Variants in WDR33 observed in about 807,000 individuals in gnomAD.
WDR33 encodes the protein pre-mRNA 3' end processing protein WDR33.
In WDR33, 47 loss-of-function variants were observed where a neutral mutation model predicts 164.9. The observed-to-expected ratio is 0.29, with a 90% CI of 0.23 to 0.36. The LOEUF is 0.36. WDR33 is among the 10% of genes least tolerant of loss of function. The pLI is 1.00. For synonymous variants in WDR33, 505 were observed against 589.0 expected, an observed-to-expected ratio of 0.86 and a Z score of 2.06; for missense variants, 1,137 against 1,754.1, an observed-to-expected ratio of 0.65 and a Z score of 6.28.
At chr2:127,733,936 T>C (rs1686774143) in intron 7 of WDR33, among the ~76,000 whole-genome samples, 1 of 152,154 alleles carries the variant, frequency 6.6e-6, no homozygotes, top group African/African-American at 2.4e-5. Context: ...AGGGCAGTGG[T>C]GGGAGGGGGC....
intron 1 of WDR33, among the ~76,000 whole-genome samples, chr2:127,803,938 A>G (rs1380906722): frequency 7.2e-6 from 1 of 139,422 alleles, no homozygotes; most frequent in African/African-American, 2.8e-5. Flanking sequence ...ACGAAGTGAG[A>G]CCCAGTCTCA....
intron 7 of WDR33, among the ~76,000 whole-genome samples, chr2:127,753,739 C>A (rs1391792989): frequency 6.6e-6 from 1 of 152,026 alleles, no homozygotes; most frequent in East Asian, 1.9e-4. Context: ...ATGGAGGCAT[C>A]TAGATTCAGG....
chr2:127,765,666 G>A (rs1423657867), intron 4 of WDR33, among the ~76,000 whole-genome samples: 3 of 152,026 alleles, frequency 2.0e-5, no homozygotes, highest in Non-Finnish European at 4.4e-5. Context: ...AGGATATGGT[G>A]CTTACAAGTA....
Position 127,767,713 on chromosome 2 carries a change from T to TA in WDR33, c.378+475dup, listed in dbSNP as rs1276197028. Among the ~76,000 whole-genome samples, 6 of 152,006 alleles carry TA rather than the reference T, an allele frequency of 3.9e-5. No individual in the cohort carries two copies. In the East Asian group the frequency reaches 7.7e-4, roughly 20 times the overall value. ...CTGGGTGACCGAGTGAGACTCTGTCTAAAAAAAATAAAAAAATAAAATAAA... is the reference window on the plus strand; with the variant it reads ...CTGGGTGACCGAGTGAGACTCTGTCTAAAAAAAAATAAAAAAATAAAATAAA... On this transcript the variant is annotated intron_variant, in intron 4 of 21. Coordinates refer to ENST00000322313, the MANE Select transcript of WDR33 (RefSeq NM_018383.5).
Position 127,709,577 on chromosome 2 carries a change from TTCC to T in WDR33, c.3475_3477del (p.Gly1159del). 1.2e-6 allele frequency: 2 copies of T among 1,613,736 alleles called. No homozygotes were observed. Among genetic ancestry groups the T allele is most frequent in the Non-Finnish European group, 1.7e-6 (2 of 1,179,612 alleles). ...TCAGGAGTGGGAAGTAAACCCTTCC[TTCC>T]TCCTACACAACAGAGCAAACAATGC... On this transcript the variant is annotated inframe_deletion and splice_region_variant, in exon 20 of 22. Transcript: ENST00000322313. The surrounding 1 kb of genome is among the most constrained non-coding windows in gnomAD (Gnocchi z 5.0).
chr2:127,774,364 T>TGG (rs1474537340), intron 1 of WDR33, among the ~76,000 whole-genome samples: 83 of 152,140 alleles, frequency 5.5e-4, no homozygotes, highest in Non-Finnish European at 1.0e-3. Flanking sequence ...AAAGCATATT[T>TGG]TAAAATTATG....
Position 127,706,630 on chromosome 2 carries a change from C to A in WDR33, c.3782-78G>T. 1.5e-6 allele frequency: 2 copies of A among 1,348,270 alleles called. No homozygotes were observed. Among genetic ancestry groups the A allele is most frequent in the East Asian group, 2.4e-5 (1 of 41,464 alleles). The allele number at this position is 1,348,270 out of a possible 1,614,324, so 83.5% of individuals were successfully genotyped here. On this transcript the variant is annotated intron_variant, in intron 21 of 21. Transcript: ENST00000322313. This position sits in a 1 kb window ranked among gnomAD's most constrained non-coding sequence, Gnocchi z 5.1. ...AGTAACTCCCAGTACAAACTTTACT[C>A]TCTGATGACAATGGACCAGTTCTGG...
At chr2:127,768,493 C>T (rs1412308748) in intron 3 of WDR33, among the ~76,000 whole-genome samples, 200 bp from the exon 4 acceptor site, 1 of 152,046 alleles carries the variant, frequency 6.6e-6, no homozygotes, top group Non-Finnish European at 1.5e-5. Context: ...GTTAAATACC[C>T]ATTATTACTA....
At chr2:127,734,849 ACT>A (rs1344103975) in intron 7 of WDR33, among the ~76,000 whole-genome samples, 1 of 152,080 alleles carries the variant, frequency 6.6e-6, no homozygotes, top group Non-Finnish European at 1.5e-5. Flanking sequence ...AAAACAGAAA[ACT>A]CTCTCCCCCT....
At chr2:127,803,089 A>G (rs1558965627) in intron 1 of WDR33, among the ~76,000 whole-genome samples, 1 of 152,348 alleles carries the variant, frequency 6.6e-6, no homozygotes, top group East Asian at 1.9e-4. Flanking sequence ...CAAATTCAAC[A>G]AACAAGCTGA....
intron 1 of WDR33, among the ~76,000 whole-genome samples, chr2:127,792,293 C>T (rs761613340): frequency 3.3e-5 from 5 of 152,002 alleles, no homozygotes; most frequent in Non-Finnish European, 7.4e-5. Flanking sequence ...TTTGAGAACT[C>T]ACCACTGCCT....
chr2:127,773,129 C>T (rs928426352), intron 1 of WDR33, among the ~76,000 whole-genome samples: 2 of 152,098 alleles, frequency 1.3e-5, no homozygotes, highest in East Asian at 3.8e-4. Flanking sequence ...GAACAAGACC[C>T]TGTCTCCAAA....
chr2:127,709,915 A>G lies in WDR33; in HGVS notation c.3309-59T>C. The G allele has an allele frequency of 6.4e-7, 1 of 1,571,490 alleles. No individual in the cohort carries two copies. The stretch of plus-strand genomic sequence containing the variant: ...GAGAACACCTTGCCACTCTAAGTTC[A>G]TGTTTCAAAGAAGCATATGATATGA... On this transcript the variant is annotated intron_variant, in intron 18 of 21. Transcript: ENST00000322313. The surrounding 1 kb of genome is among the most constrained non-coding windows in gnomAD (Gnocchi z 5.0).
chr2:127,733,567 T>C (rs535164971), intron 7 of WDR33, among the ~76,000 whole-genome samples: 1 of 152,346 alleles, frequency 6.6e-6, no homozygotes, highest in South Asian at 2.1e-4. Flanking sequence ...ATTAGCCATA[T>C]ACGGCTGTTT....
intron 1 of WDR33, among the ~76,000 whole-genome samples, chr2:127,809,813 G>C (rs1211113885): frequency 6.6e-6 from 1 of 152,078 alleles, no homozygotes; most frequent in Non-Finnish European, 1.5e-5. Context: ...GTTTCAAGAA[G>C]ATAGTCTAAA....
At chr2:127,795,127 G>T (rs1180155865) in intron 1 of WDR33, among the ~76,000 whole-genome samples, 1 of 134,966 alleles carries the variant, frequency 7.4e-6, no homozygotes, top group Non-Finnish European at 1.6e-5. Context: ...TTGAGAGGGA[G>T]TCTCACTCTG....
intron 7 of WDR33, among the ~76,000 whole-genome samples, chr2:127,739,975 C>T (rs1686964246): frequency 6.6e-6 from 1 of 152,142 alleles, no homozygotes; most frequent in Non-Finnish European, 1.5e-5. Context: ...ATGCCATTTA[C>T]CTCTCAGAAC....
At chr2:127,745,019 ATACATCAGTTATTGTTATGCAGT>A (rs1687127375) in intron 7 of WDR33, among the ~76,000 whole-genome samples, 1 of 152,132 alleles carries the variant, frequency 6.6e-6, no homozygotes, top group Admixed American at 6.5e-5. Context: ...AGATCCCCAT[ATACATCAGTTATTGTTATGCAGT>A]CAGCTTGCCT....
intron 1 of WDR33, among the ~76,000 whole-genome samples, chr2:127,771,502 A>C (rs1476606984): frequency 6.6e-6 from 1 of 152,220 alleles, no homozygotes; most frequent in Non-Finnish European, 1.5e-5. Flanking sequence ...ATATTAGATC[A>C]ATGACAGAGA....
Sources: allele counts gnomAD v4.1 joint callset (sites outside exome capture counted in the v4.1 genomes callset), GRCh38; gene constraint gnomAD v4.1.1; non-coding constraint Gnocchi (gnomAD v3.1); transcripts MANE v1.5; gene names NCBI Gene and HGNC (gene_info 2026-07-23, HGNC 2026-07-21).